DAPK1: variants seen among roughly 807,000 people sequenced by gnomAD.
DAPK1 encodes death associated protein kinase 1.
DAPK1 carries 56 observed loss-of-function variants against 144.9 expected under a neutral mutation model. The ratio of observed to expected loss-of-function variants is 0.39; its 90% CI spans 0.31 to 0.48. The LOEUF is 0.48. Ranked by LOEUF, DAPK1 falls within the 20% of genes least tolerant of loss-of-function variation. DAPK1 has a pLI of 0.95. For synonymous variants in DAPK1, 690 were observed against 749.0 expected, an observed-to-expected ratio of 0.92 and a Z score of 1.29; for missense variants, 1,454 against 1,875.4, an observed-to-expected ratio of 0.78 and a Z score of 4.15.
At chr9:87,646,341 G>A (rs180805873) in intron 12 of DAPK1, 120 bp from the exon 13 acceptor site, 88 of 739,826 alleles carry the variant, frequency 1.2e-4, no homozygotes, top group African/African-American at 1.0e-3. Context: ...TTCCTGCCAC[G>A]CAGTGGTAGC....
rs148049575 is a variant in DAPK1, at chr9:87,584,512, C to A, written c.63-20442C>A. Among the ~76,000 whole-genome samples the A allele has an allele frequency of 5.3e-5, 8 of 152,252 alleles. No homozygotes were observed. The East Asian group carries it at 5.8e-4, about 11-fold the overall frequency. On this transcript the variant is annotated intron_variant, in intron 2 of 25. Coordinates refer to ENST00000408954, the MANE Select transcript of DAPK1 (RefSeq NM_004938.4). ...CCATATGGTAGTTCTATTTTTAATT[C>A]TTTGTGGAACCTCCAGATTGTTTTC... is the stretch of plus-strand genomic sequence containing the variant.
chr9:87,685,189 T>TAGA (rs1470864390), intron 20 of DAPK1, among the ~76,000 whole-genome samples: 1 of 152,196 alleles, frequency 6.6e-6, no homozygotes, highest in African/African-American at 2.4e-5. Context: ...CCTACAGAAA[T>TAGA]AGAATATGTG....
At chr9:87,636,226 C>A (rs1368678379) in intron 3 of DAPK1, among the ~76,000 whole-genome samples, 1 of 152,120 alleles carries the variant, frequency 6.6e-6, no homozygotes, top group Non-Finnish European at 1.5e-5. Context: ...TGTAGGACAC[C>A]TTTCGCTTGG....
intron 2 of DAPK1, among the ~76,000 whole-genome samples, chr9:87,581,712 CAG>C (rs1218610349): frequency 2.6e-5 from 4 of 152,202 alleles, no homozygotes; most frequent in Non-Finnish European, 5.9e-5. Context: ...GCCTACAAAA[CAG>C]AGTCAGCCTT....
intron 2 of DAPK1, among the ~76,000 whole-genome samples, chr9:87,581,555 G>T (rs1827754671): frequency 6.6e-6 from 1 of 152,172 alleles, no homozygotes; most frequent in African/African-American, 2.4e-5. Flanking sequence ...TGGAGGCTTT[G>T]CAGCCCATTT....
intron 20 of DAPK1, among the ~76,000 whole-genome samples, chr9:87,684,797 A>G (rs1824780331): frequency 6.6e-6 from 1 of 152,254 alleles, no homozygotes; most frequent in African/African-American, 2.4e-5. Flanking sequence ...GTAGCTAACA[A>G]AAATGATTTC....
chr9:87,687,107 G>A (rs896107681), intron 21 of DAPK1, among the ~76,000 whole-genome samples: 3 of 152,188 alleles, frequency 2.0e-5, no homozygotes, highest in Non-Finnish European at 4.4e-5. Flanking sequence ...GTCACTTTGA[G>A]TTTTTATCAT....
chr9:87,685,896 A>G (rs1038273123), intron 20 of DAPK1, among the ~76,000 whole-genome samples: 2 of 152,216 alleles, frequency 1.3e-5, no homozygotes, highest in African/African-American at 2.4e-5. Context: ...CTAAACGCCA[A>G]TGCCCACACC....
intron 21 of DAPK1, among the ~76,000 whole-genome samples, chr9:87,695,818 C>T (rs979452549): frequency 1.3e-4 from 20 of 152,196 alleles, no homozygotes; most frequent in Non-Finnish European, 1.3e-4. Flanking sequence ...ATATCCTATA[C>T]CCTGGCACGT....
chr9:87,649,859 G>C, intron 15 of DAPK1, 62 bp from the exon 16 acceptor site: 2 of 1,560,862 alleles, frequency 1.3e-6, no homozygotes, highest in Non-Finnish European at 1.8e-6. Context: ...CTCTCACCTT[G>C]CTTTATACTT....
intron 2 of DAPK1, among the ~76,000 whole-genome samples, chr9:87,596,398 T>A (rs1376642677): frequency 6.6e-6 from 1 of 152,120 alleles, no homozygotes; most frequent in Non-Finnish European, 1.5e-5. Flanking sequence ...CTGGGGAAGG[T>A]AAAGTTGGAG....
chr9:87,580,678 G>T (rs1827722391), intron 2 of DAPK1, among the ~76,000 whole-genome samples: 1 of 152,130 alleles, frequency 6.6e-6, no homozygotes, highest in East Asian at 1.9e-4. Context: ...ATTAATACCA[G>T]CTCCTACTCT....
intron 2 of DAPK1, among the ~76,000 whole-genome samples, chr9:87,506,495 A>C (rs568148573): frequency 6.6e-6 from 1 of 152,360 alleles, no homozygotes. Context: ...AGAAAACTCC[A>C]AAAACACTTT....
At chr9:87,672,802 C>T (rs1824221566) in intron 19 of DAPK1, among the ~76,000 whole-genome samples, 1 of 152,152 alleles carries the variant, frequency 6.6e-6, no homozygotes, top group South Asian at 2.1e-4. Flanking sequence ...TTGGAAATGA[C>T]TGAGCTGTCG....
chr9:87,546,278 G>A (rs1342821608), intron 2 of DAPK1, among the ~76,000 whole-genome samples: 1 of 152,208 alleles, frequency 6.6e-6, no homozygotes, highest in East Asian at 1.9e-4. Context: ...GGGTCCGTCA[G>A]GAGGCAGTGG....
intron 18 of DAPK1, among the ~76,000 whole-genome samples, chr9:87,667,022 A>G (rs916824550): frequency 1.3e-5 from 2 of 152,202 alleles, no homozygotes; most frequent in African/African-American, 4.8e-5. Flanking sequence ...TGTACCCCAT[A>G]CTGCTGACAG....
rs770022301 is a variant in DAPK1 at position 87,499,105 on chromosome 9, G to A, written c.28G>A (p.Asp10Asn). 8.7e-6 allele frequency: 14 copies of A among 1,614,028 alleles called. No individual in the cohort carries two copies. The African/African-American group carries it at 1.7e-4, about 20-fold the overall frequency. Residue 10 changes from aspartate to asparagine, a missense_variant, in exon 2 of 26, where the codon GAT becomes AAT. Transcript: ENST00000408954. MTVFRQENV[D>N]DYYDTGEELG... ...GACCGTGTTCAGGCAGGAAAACGTG[G>A]ATGATTACTACGACACCGGCGAGGA...
chr9:87,657,247 A>G (rs1260963790), intron 17 of DAPK1, among the ~76,000 whole-genome samples: 1 of 152,166 alleles, frequency 6.6e-6, no homozygotes, highest in Non-Finnish European at 1.5e-5. Context: ...ACGGAAAGAA[A>G]ACTAATATTT....
chr9:87,557,235 C>T (rs1383846894), intron 2 of DAPK1, among the ~76,000 whole-genome samples: 1 of 152,176 alleles, frequency 6.6e-6, no homozygotes, highest in Non-Finnish European at 1.5e-5. Flanking sequence ...TCCATCCAGG[C>T]AGCCCCATGA....
Sources: gnomAD v4.1 joint callset for allele counts (sites outside exome capture counted in the v4.1 genomes callset) on GRCh38, gnomAD v4.1.1 for gene constraint, MANE v1.5 for transcripts, NCBI Gene and HGNC (gene_info 2026-07-23, HGNC 2026-07-21) for gene names.